Variants in EYA1 observed in about 807,000 individuals in gnomAD.
EYA1 encodes the protein EYA transcriptional coactivator and phosphatase 1.
Under a neutral mutation model 82.0 loss-of-function variants are expected in EYA1, and 16 were observed. The observed-to-expected ratio is 0.20, with a 90% CI of 0.13 to 0.30. The LOEUF (loss-of-function observed/expected upper bound fraction) is 0.30, where lower values mean the gene tolerates loss of function less well. Ranked by LOEUF, EYA1 falls within the 10% of genes least tolerant of loss-of-function variation. The pLI is 1.00. For synonymous variants in EYA1, 261 were observed against 264.4 expected (o/e 0.99, Z 0.12); for missense variants, 633 against 730.7 (o/e 0.87, Z 1.54).
rs530565194 is a variant in EYA1 at position 71,333,961 on chromosome 8, G to GTA, written c.202+134_202+135dup. ...GACTCTGAGCAAAGCTATTTTATATGTATATATACATAAGTACGTATATAC... is the reference window on the plus strand; with the variant it reads ...GACTCTGAGCAAAGCTATTTTATATGTATATATATACATAAGTACGTATATAC... On this transcript the variant is annotated intron_variant, in intron 4 of 17. Coordinates refer to ENST00000340726, the MANE Select transcript of EYA1 (RefSeq NM_000503.6). 5.6e-5 allele frequency: 38 copies of GTA among 682,144 alleles called. No homozygotes were observed. In the African/African-American group the frequency reaches 6.3e-4, roughly 11 times the overall value. The allele number at this position is 682,144 out of a possible 1,614,324, so 42.3% of individuals were successfully genotyped here. A position where few individuals can be genotyped will look rare whatever the true frequency, so the allele number is the denominator to read the frequency against.
chr8:71,263,578 C>T (rs1815400291), intron 11 of EYA1, among the ~76,000 whole-genome samples: 1 of 152,158 alleles, frequency 6.6e-6, no homozygotes, highest in Non-Finnish European at 1.5e-5. Flanking sequence ...ATTGAGTTCA[C>T]GGTCTAGTCA....
intron 2 of EYA1, among the ~76,000 whole-genome samples, chr8:71,449,616 G>A (rs1341921353): frequency 3.9e-5 from 6 of 152,150 alleles, no homozygotes; most frequent in African/African-American, 7.2e-5. Flanking sequence ...TCATCCTTGA[G>A]AGCCCTGAGA....
Position 71,523,179 on chromosome 8 carries a change from C to CT in EYA1, c.33+12564dup, listed in dbSNP as rs1160944112. 3.1e-3 allele frequency among the ~76,000 whole-genome samples: 376 copies of CT among 119,728 alleles called. 6 individuals carry two copies. Among genetic ancestry groups the CT allele is most frequent in the South Asian group, 0.015 (55 of 3,714 alleles). 78.5% of individuals were successfully genotyped at this position (119,728 alleles called of 152,430 possible). On this transcript the variant is annotated intron_variant, in intron 2 of 18. Transcript: ENST00000643681. ...TCTTTTTCTTTTCTTTTTTCTTTTTCTTTTTTTTTTTTTTTTTGAGACGGA... is the reference window on the plus strand; with the variant it reads ...TCTTTTTCTTTTCTTTTTTCTTTTTCTTTTTTTTTTTTTTTTTTGAGACGGA...
intron 2 of EYA1, among the ~76,000 whole-genome samples, chr8:71,490,244 T>C (rs1243164548): frequency 6.6e-6 from 1 of 152,222 alleles, no homozygotes; most frequent in Non-Finnish European, 1.5e-5. Flanking sequence ...GCCTTAACTT[T>C]TGAGAAGATG....
At chr8:71,277,826 T>G (rs981068995) in intron 9 of EYA1, among the ~76,000 whole-genome samples, 2 of 152,200 alleles carry the variant, frequency 1.3e-5, no homozygotes. Flanking sequence ...TAAAGGTTAA[T>G]TATTTCTACA....
chr8:71,476,037 C>T (rs888849813), intron 2 of EYA1, among the ~76,000 whole-genome samples: 2 of 152,126 alleles, frequency 1.3e-5, no homozygotes, highest in African/African-American at 2.4e-5. Flanking sequence ...ACCTGAAACT[C>T]TTATTTGAAA....
chr8:71,279,838 C>CT (rs1437787060), intron 9 of EYA1, among the ~76,000 whole-genome samples: 11 of 152,246 alleles, frequency 7.2e-5, no homozygotes, highest in African/African-American at 2.6e-4. Context: ...TTTAATTCTC[C>CT]TTTTTTGTGT....
At chr8:71,272,684 G>A (rs11991565) in intron 9 of EYA1, among the ~76,000 whole-genome samples, 4,803 of 152,258 alleles carry the variant, frequency 0.032, 260 homozygotes, top group African/African-American at 0.11. Flanking sequence ...CTTATCTTGT[G>A]TTCAGACTGA....
intron 7 of EYA1, among the ~76,000 whole-genome samples, chr8:71,300,746 A>G (rs1586253334): frequency 6.6e-6 from 1 of 152,342 alleles, no homozygotes; most frequent in South Asian, 2.1e-4. Context: ...CTATTCAGAA[A>G]ATGGAATACT....
intron 2 of EYA1, among the ~76,000 whole-genome samples, chr8:71,394,787 A>T (rs1026417825): frequency 2.0e-5 from 3 of 151,632 alleles, no homozygotes; most frequent in Non-Finnish European, 1.5e-5. Flanking sequence ...TCTTTTTTGG[A>T]TCCATATGAA....
chr8:71,528,116 A>C (rs774878100), intron 2 of EYA1, among the ~76,000 whole-genome samples: 1 of 151,768 alleles, frequency 6.6e-6, no homozygotes, highest in Non-Finnish European at 1.5e-5. Flanking sequence ...AAGCTCTCAC[A>C]CTCCTGCATG....
intron 2 of EYA1, among the ~76,000 whole-genome samples, chr8:71,410,176 C>A (rs1329224205): frequency 8.2e-5 from 12 of 145,966 alleles, no homozygotes; most frequent in Non-Finnish European, 1.8e-4. Flanking sequence ...CAAAATTCAA[C>A]AACCCTTCAT....
intron 2 of EYA1, among the ~76,000 whole-genome samples, chr8:71,479,193 A>T (rs747109521): frequency 1.3e-5 from 2 of 152,126 alleles, no homozygotes; most frequent in Non-Finnish European, 2.9e-5. Flanking sequence ...CAATGCACTC[A>T]GCATGCTCCC....
intron 6 of EYA1, among the ~76,000 whole-genome samples, chr8:71,319,189 G>C (rs1414084549): frequency 6.6e-6 from 1 of 151,230 alleles, no homozygotes; most frequent in African/African-American, 2.4e-5. Context: ...CGAGTGCAGT[G>C]GCGCAATCTC....
chr8:71,345,461 C>G (rs553581082), intron 3 of EYA1, among the ~76,000 whole-genome samples: 1 of 152,264 alleles, frequency 6.6e-6, no homozygotes, highest in South Asian at 2.1e-4. Context: ...TAGTAAGTGG[C>G]AGAGCTTCAA....
intron 1 of EYA1, among the ~76,000 whole-genome samples, chr8:71,545,222 T>C (rs1460767603): frequency 1.3e-5 from 2 of 152,218 alleles, no homozygotes; most frequent in Non-Finnish European, 2.9e-5. Context: ...GGATGGAAAA[T>C]ACTGACGATG....
intron 2 of EYA1, among the ~76,000 whole-genome samples, 183 bp downstream of exon 2, chr8:71,356,279 G>A (rs1003094570): frequency 4.6e-5 from 7 of 151,984 alleles, no homozygotes; most frequent in Non-Finnish European, 8.8e-5. Flanking sequence ...TTTTCAAACC[G>A]AGGCTCCTAT....
chr8:71,267,840 G>A (rs529925063), intron 11 of EYA1, among the ~76,000 whole-genome samples: 12 of 152,252 alleles, frequency 7.9e-5, no homozygotes, highest in East Asian at 5.8e-4. Flanking sequence ...GAGCCACCGC[G>A]CCCGGCCGAG....
rs114972501 is a variant in EYA1 at position 71,506,233 on chromosome 8, C to T, written c.33+29511G>A. On this transcript the variant is annotated intron_variant, in intron 2 of 18. Coordinates refer to the EYA1 transcript ENST00000643681. ...ACTTCTACACAGAGCATCAAAGCTG[C>T]CCCACTATGATGAGAAATGTCAAAG... is the stretch of plus-strand genomic sequence containing the variant. 7.2e-3 allele frequency among the ~76,000 whole-genome samples: 1,097 copies of T among 152,260 alleles called. 17 individuals carry two copies. Among genetic ancestry groups the T allele is most frequent in the African/African-American group, 0.025 (1,039 of 41,558 alleles).
Sources: allele counts gnomAD v4.1 joint callset (sites outside exome capture counted in the v4.1 genomes callset), GRCh38; gene constraint gnomAD v4.1.1; transcripts MANE v1.5; gene names NCBI Gene and HGNC (gene_info 2026-07-23, HGNC 2026-07-21).